The following ARHGAP29 variants were observed in gnomAD, a reference collection of about 807,000 sequenced individuals.
ARHGAP29 encodes the protein rho GTPase-activating protein 29.
Under a neutral mutation model 122.6 loss-of-function variants are expected in ARHGAP29, and 43 were observed. That is an observed-to-expected ratio of 0.35 (90% CI 0.27 to 0.45). The LOEUF is 0.45. Among genes scored for constraint, ARHGAP29 ranks in the 20% least tolerant of loss-of-function variants. ARHGAP29 has a pLI of 1.00. For synonymous variants in ARHGAP29, 506 were observed against 497.1 expected (o/e 1.02, Z -0.24); for missense variants, 1,303 against 1,477.2 (o/e 0.88, Z 1.93).
the ARHGAP29 span, among the ~76,000 whole-genome samples, chr1:94,283,369 G>A: frequency 6.6e-6 from 1 of 152,084 alleles, no homozygotes. Flanking sequence ...AGAAGTCTTG[G>A]AAGGTGCTAC....
At chr1:94,288,140 A>C in the ARHGAP29 span, among the ~76,000 whole-genome samples, 2 of 152,260 alleles carry the variant, frequency 1.3e-5, no homozygotes, top group South Asian at 2.1e-4. Flanking sequence ...CTATTTCTCC[A>C]CATCCTCTCT....
chr1:94,303,143 T>C, the ARHGAP29 span: 1 of 152,610 alleles, frequency 6.6e-6, no homozygotes, highest in Non-Finnish European at 1.5e-5. Flanking sequence ...TCCTCATTGT[T>C]TCTACATCAG....
Position 94,213,364 on chromosome 1 carries a change from A to G in ARHGAP29, c.341-4014T>C, listed in dbSNP as rs186274077. Among the ~76,000 whole-genome samples the G allele has an allele frequency of 4.3e-3, 661 of 152,148 alleles. 1 individual carries two copies. Among genetic ancestry groups the G allele is most frequent in the African/African-American group, 0.015 (627 of 41,526 alleles). On this transcript the variant is annotated intron_variant, in intron 3 of 22. Coordinates refer to ENST00000260526, the MANE Select transcript of ARHGAP29 (RefSeq NM_004815.4). ...CCGGCCAATTTTTTTTGTATTTTTTAGTAGAGACGGGGTTTCACCGTGTTA... is the reference window on the plus strand; with the variant it reads ...CCGGCCAATTTTTTTTGTATTTTTTGGTAGAGACGGGGTTTCACCGTGTTA...
chr1:94,212,208 A>G (rs900705904), intron 3 of ARHGAP29, among the ~76,000 whole-genome samples: 1 of 152,096 alleles, frequency 6.6e-6, no homozygotes, highest in African/African-American at 2.4e-5. Flanking sequence ...CAGTGGGCTG[A>G]GATCTCACCA....
rs1474071802 is a variant in ARHGAP29, at chr1:94,250,135, C to T, written c.-32-18492G>A. Reference sequence around the variant, plus strand: ...TGTTCCCTGAGGTGAAGGGACTGATCACAAGTGTGCATGTTCCATGTGGGT... The same window carrying T: ...TGTTCCCTGAGGTGAAGGGACTGATTACAAGTGTGCATGTTCCATGTGGGT... On this transcript the variant is annotated intron_variant and NMD_transcript_variant, in intron 1 of 25. Coordinates refer to the ARHGAP29 transcript ENST00000552844. 2.0e-5 allele frequency among the ~76,000 whole-genome samples: 3 copies of T among 152,248 alleles called. No homozygotes were observed. The East Asian group carries it at 5.8e-4, about 29-fold the overall frequency.
intron 3 of ARHGAP29, among the ~76,000 whole-genome samples, 167 bp downstream of exon 3, chr1:94,220,091 G>GC (rs1474961061): frequency 1.3e-5 from 2 of 152,122 alleles, no homozygotes; most frequent in African/African-American, 4.8e-5. Context: ...AAAGCTTTAG[G>GC]TGTGACTTAG....
At chr1:94,282,259 A>C in the ARHGAP29 span, among the ~76,000 whole-genome samples, 4 of 30,912 alleles carry the variant, frequency 1.3e-4, no homozygotes, top group Non-Finnish European at 2.3e-4. Flanking sequence ...ATAGTGCTTT[A>C]TTTATTTATT....
At chr1:94,298,671 A>G in the ARHGAP29 span, among the ~76,000 whole-genome samples, 2 of 152,342 alleles carry the variant, frequency 1.3e-5, no homozygotes, top group South Asian at 2.1e-4. Context: ...AATGAGATAC[A>G]TTTCTGTTCT....
At chr1:94,253,948 C>A (rs1034598649) in intron 1 of ARHGAP29, among the ~76,000 whole-genome samples, 1 of 152,064 alleles carries the variant, frequency 6.6e-6, no homozygotes, top group African/African-American at 2.4e-5. Context: ...GGTTTAGAAA[C>A]CTGTTTTTAA....
Position 94,189,215 on chromosome 1 carries a change from C to T in ARHGAP29, c.1576+1G>A. On this transcript the variant is annotated splice_donor_variant, in intron 14 of 22. Transcript: ENST00000260526. LOFTEE classifies it high-confidence loss of function. Reference sequence around the variant, plus strand: ...GCACTCTCTTTAGGGTGGAAAACTACCTGTTATATCTGCACTGTTAGAGCA... The same window carrying T: ...GCACTCTCTTTAGGGTGGAAAACTATCTGTTATATCTGCACTGTTAGAGCA... The T allele has an allele frequency of 6.3e-7, 1 of 1,599,724 alleles. No homozygotes were observed. Among genetic ancestry groups the T allele is most frequent in the Non-Finnish European group, 8.5e-7 (1 of 1,175,972 alleles).
rs77940435 is a variant in ARHGAP29, at chr1:94,206,293, G to A, written c.511-610C>T. Among the ~76,000 whole-genome samples the A allele has an allele frequency of 2.0e-3, 307 of 152,178 alleles. 12 individuals carry two copies. In the East Asian group the frequency reaches 0.052, roughly 26 times the overall value. On this transcript the variant is annotated intron_variant, in intron 5 of 22. Coordinates refer to ENST00000260526, the MANE Select transcript of ARHGAP29 (RefSeq NM_004815.4). ...AAATTTAAAGAACTACATGTGACTC[G>A]TGCTACTTTATTGCATTGTGCTGGA...
intron 8 of ARHGAP29, among the ~76,000 whole-genome samples, chr1:94,203,489 C>T (rs1353319330): frequency 6.6e-6 from 1 of 152,180 alleles, no homozygotes; most frequent in African/African-American, 2.4e-5. Context: ...AATCCCAATA[C>T]TCTGGGAGGC....
At chr1:94,204,049 T>TA in intron 7 of ARHGAP29, 55 bp from the exon 8 acceptor site, 3 of 1,415,372 alleles carry the variant, frequency 2.1e-6, no homozygotes, top group Non-Finnish European at 3.0e-6. Flanking sequence ...TTTCCCCCTG[T>TA]ATACTCTAAA....
the ARHGAP29 span, among the ~76,000 whole-genome samples, chr1:94,304,491 C>T: frequency 6.6e-6 from 1 of 152,212 alleles, no homozygotes; most frequent in Non-Finnish European, 1.5e-5. Context: ...CAGAAAGCCT[C>T]ACCTAACTGG....
chr1:94,303,982 T>C, the ARHGAP29 span, among the ~76,000 whole-genome samples: 2 of 152,274 alleles, frequency 1.3e-5, no homozygotes, highest in African/African-American at 4.8e-5. Flanking sequence ...AAAACACAAA[T>C]GCCCTTTCCT....
intron 1 of ARHGAP29, among the ~76,000 whole-genome samples, chr1:94,250,885 A>G (rs1160165908): frequency 2.0e-5 from 3 of 152,206 alleles, no homozygotes; most frequent in Non-Finnish European, 2.9e-5. Flanking sequence ...GAGCCATCAC[A>G]TACCATAACC....
the ARHGAP29 span, among the ~76,000 whole-genome samples, chr1:94,313,454 A>G: frequency 6.6e-6 from 1 of 152,194 alleles, no homozygotes; most frequent in Non-Finnish European, 1.5e-5. Context: ...GCCAGTTAGA[A>G]TGGCGATCAT....
chr1:94,180,572 C>T lies in ARHGAP29; in HGVS notation c.2248-615G>A, dbSNP rs367819808. ...AAACACAGGGTACCTCTGACTACTACCTGATGTCCTATTTTATCTGTGGTG... is the reference window on the plus strand; with the variant it reads ...AAACACAGGGTACCTCTGACTACTATCTGATGTCCTATTTTATCTGTGGTG... On this transcript the variant is annotated intron_variant, in intron 19 of 22. Coordinates refer to ENST00000260526, the MANE Select transcript of ARHGAP29 (RefSeq NM_004815.4). Among the ~76,000 whole-genome samples, 26 of 152,266 alleles carry T rather than the reference C, an allele frequency of 1.7e-4. No homozygotes were observed. The South Asian group carries it at 3.1e-3, about 18-fold the overall frequency.
chr1:94,314,404 A>G, the ARHGAP29 span, among the ~76,000 whole-genome samples: 39 of 152,200 alleles, frequency 2.6e-4, no homozygotes. Context: ...CCAAGACTCC[A>G]TGATTCTGGG....
Sources: allele counts gnomAD v4.1 joint callset (sites outside exome capture counted in the v4.1 genomes callset), GRCh38; gene constraint gnomAD v4.1.1; transcripts MANE v1.5; gene names NCBI Gene and HGNC (gene_info 2026-07-23, HGNC 2026-07-21).